KDM5C: variants seen among roughly 807,000 people sequenced by gnomAD.
The protein encoded by KDM5C is lysine demethylase 5C, also known as lysine-specific demethylase 5C.
A neutral mutation model predicts 110.6 loss-of-function variants in KDM5C; 16 were observed. The observed-to-expected ratio is 0.14, with a 90% confidence interval of 0.10 to 0.22. The LOEUF (loss-of-function observed/expected upper bound fraction) is 0.22, where lower values mean the gene tolerates loss of function less well. Ranked by LOEUF, KDM5C falls within the 10% of genes least tolerant of loss-of-function variation. KDM5C has a pLI of 1.00. For synonymous variants in KDM5C, 511 were observed against 520.4 expected (o/e 0.98, Z 0.24); for missense variants, 681 against 1,300.9 (o/e 0.52, Z 7.33).
At position 53,201,818 on chromosome X, in the gene KDM5C, G is replaced by A. The variant is rs377590673; in HGVS notation, c.1866+36C>T. 285 of 1,209,925 alleles carry A rather than the reference G, an allele frequency of 2.4e-4. No individual in the cohort carries two copies. In the Middle Eastern group the frequency reaches 9.2e-3, roughly 39 times the overall value. ...GCCCCAGCTTCTCTACAACCCTCCT[G>A]CTTCTCCCCACCATCCCACCACATT... On this transcript the variant is annotated intron_variant, in intron 13 of 25. Coordinates refer to ENST00000375401, the MANE Select transcript of KDM5C (RefSeq NM_004187.5).
rs782064942 is a variant in KDM5C, at chrX:53,195,019, C to T, written c.3350G>A (p.Arg1117Gln). Residue 1117 changes from arginine to glutamine, a missense_variant, in exon 22 of 26, where the codon CGG (arginine) becomes CAG (glutamine). Around this residue, in one of 14 missense-constraint regions of KDM5C, gnomAD observed 66 missense variants for 162.9 expected, o/e 0.41. Coordinates refer to ENST00000375401, the MANE Select transcript of KDM5C (RefSeq NM_004187.5). The stretch of plus-strand genomic sequence containing the variant: ...CAACCCCAGCTCCTTCTCCATCCAC[C>T]GGCTGCGCTTGGTGCTGTCTGAGCC... ...DAGSDSTKRS[R>Q]WMEKELGLYK... The T allele has an allele frequency of 8.3e-7, 1 of 1,209,660 alleles. No homozygotes were observed. The highest frequency in any genetic ancestry group is 1.1e-6 in the Non-Finnish European group (1 of 894,385).
chrX:53,182,607 T>A (rs1196566436), intron 25 of KDM5C, among the ~76,000 whole-genome samples: 1 of 112,299 alleles, frequency 8.9e-6, no homozygotes, highest in Non-Finnish European at 1.9e-5. Context: ...CCTCAGGTGA[T>A]CCGCCCACCT....
intron 10 of KDM5C, 92 bp downstream of exon 10, chrX:53,211,405 T>C: frequency 3.2e-6 from 3 of 927,993 alleles, no homozygotes; most frequent in Middle Eastern, 5.3e-4. Context: ...GGCATAATTA[T>C]CCTCATCTTA....
rs782589762 is a variant in KDM5C at position 53,193,757 on chromosome X, C to T, written c.4117+16G>A. 4.2e-6 allele frequency: 5 copies of T among 1,201,836 alleles called. No homozygotes were observed. The highest frequency in any genetic ancestry group is 5.6e-6 in the Non-Finnish European group (5 of 886,303). On this transcript the variant is annotated intron_variant, in intron 24 of 25. Transcript: ENST00000375401. ...ATGTGCAGTCAACAGCCTACCCACA[C>T]CACACCTAGACCTACCTCTCTTACC... is the stretch of plus-strand genomic sequence containing the variant.
Position 53,224,861 on chromosome X carries a change from G to A in KDM5C, c.29C>T (p.Pro10Leu), listed in dbSNP as rs1199954931. The A allele has an allele frequency of 1.7e-5, 20 of 1,209,467 alleles. No homozygotes were observed. Among genetic ancestry groups the A allele is most frequent in the Non-Finnish European group, 2.2e-5 (20 of 893,871 alleles). ...CTCGAACACCGGGCACTCCGGTGGC[G>A]GTAGGAAATCGTCGGACCCCGGCTC... Reference protein sequence around the residue: MEPGSDDFLPPPECPVFEPS... With the variant: MEPGSDDFLLPPECPVFEPS... Residue 10 changes from proline to leucine, a missense_variant, in exon 1 of 26, where the codon CCG becomes CTG. Around this residue, in one of 14 missense-constraint regions of KDM5C, gnomAD observed 15 missense variants for 37.0 expected, o/e 0.41. Coordinates refer to ENST00000375401, the MANE Select transcript of KDM5C (RefSeq NM_004187.5).
downstream of KDM5C, among the ~76,000 whole-genome samples, chrX:53,189,132 TAGAG>T (rs1556829185): frequency 8.9e-6 from 1 of 112,504 alleles, no homozygotes; most frequent in Non-Finnish European, 1.9e-5. Context: ...ATATAACCAA[TAGAG>T]ATAGGCGTGG....
downstream of KDM5C, among the ~76,000 whole-genome samples, chrX:53,186,480 C>T (rs1258029862): frequency 1.8e-5 from 2 of 111,965 alleles, no homozygotes; most frequent in Admixed American, 1.9e-4. Context: ...TGTGCAGTAG[C>T]ACTCCACCAC....
downstream of KDM5C, among the ~76,000 whole-genome samples, chrX:53,191,045 A>C (rs1556830127): frequency 1.8e-5 from 2 of 111,694 alleles, no homozygotes; most frequent in African/African-American, 6.5e-5. Context: ...CTCCAAACAC[A>C]GAACACTCAA....
At chrX:53,215,699 T>G in intron 7 of KDM5C, 96 bp downstream of exon 7, 2 of 968,768 alleles carry the variant, frequency 2.1e-6, no homozygotes, top group Non-Finnish European at 3.0e-6. Context: ...GAGGCCCGCT[T>G]TTGTGGTTAA....
At chrX:53,223,640 G>C (rs1334911464) in intron 1 of KDM5C, among the ~76,000 whole-genome samples, 1 of 112,152 alleles carries the variant, frequency 8.9e-6, no homozygotes, top group African/African-American at 3.2e-5. Flanking sequence ...CACCATATCA[G>C]CAAGGCAGCA....
intron 25 of KDM5C, among the ~76,000 whole-genome samples, chrX:53,179,688 T>C (rs1933982214): frequency 9.0e-6 from 1 of 111,690 alleles, no homozygotes; most frequent in African/African-American, 3.3e-5. Context: ...TAAAAGATGC[T>C]CCACATCATA....
chrX:53,198,592 C>T lies in KDM5C; in HGVS notation c.2414G>A (p.Arg805Lys), dbSNP rs2073042439. The part of the protein sequence containing the change: ...RALESEARER[R>K]FPNSELLQQL... The stretch of plus-strand genomic sequence containing the variant: ...CTGCAGCAGCTCACTATTAGGAAAC[C>T]TCCGCTCACGGGCTTCAGACTCTAG... The change falls in exon 17 of 26, where the codon AGG (arginine) becomes AAG (lysine). Residue 805 changes from arginine to lysine, a missense_variant. Transcript: ENST00000375401. The T allele has an allele frequency of 8.3e-7, 1 of 1,210,443 alleles. No individual in the cohort carries two copies. The highest frequency in any genetic ancestry group is 1.7e-5 in the African/African-American group (1 of 57,282).
At position 53,192,960 on chromosome X, in the gene KDM5C, G is replaced by C; in HGVS notation, c.*7C>G. On this transcript the variant is annotated 3_prime_UTR_variant, in exon 26 of 26. Coordinates refer to ENST00000375401, the MANE Select transcript of KDM5C (RefSeq NM_004187.5). ...TCTGTCAGGGTCTGTGCTAGGCTCA[G>C]CCACTGTCACAACTGTTGCTGAGGC... is the stretch of plus-strand genomic sequence containing the variant. The C allele has an allele frequency of 2.6e-6, 3 of 1,156,521 alleles. No individual in the cohort carries two copies. The highest frequency in any genetic ancestry group is 3.5e-6 in the Non-Finnish European group (3 of 869,513).
In KDM5C at chrX:53,199,074, G is replaced by A. The variant is rs1306501988; in HGVS notation, c.2146C>T (p.Leu716=). 7 of 1,210,646 alleles carry A rather than the reference G, an allele frequency of 5.8e-6. No individual in the cohort carries two copies. In the Admixed American group the frequency reaches 1.5e-4, roughly 26 times the overall value. The change falls in exon 15 of 26, where the codon CTG becomes TTG. Residue 716 remains leucine (L), a synonymous_variant. Coordinates refer to ENST00000375401, the MANE Select transcript of KDM5C (RefSeq NM_004187.5). ...QCIKCKTTCF[L]SALACYDCPD... The stretch of plus-strand genomic sequence containing the variant: ...CAGTCGTAGCAGGCCAGGGCTGACA[G>A]GAAACACGTAGTCTTGCACTTGATA...
At chrX:53,183,756 T>C (rs1329145379) in intron 25 of KDM5C, among the ~76,000 whole-genome samples, 1 of 109,866 alleles carries the variant, frequency 9.1e-6, no homozygotes, top group Non-Finnish European at 1.9e-5. Flanking sequence ...TTATTTTTAG[T>C]AGATACGGGG....
intron 24 of KDM5C, 53 bp from the exon 25 acceptor site, chrX:53,193,689 C>T: frequency 1.7e-6 from 2 of 1,187,082 alleles, no homozygotes; most frequent in Non-Finnish European, 2.3e-6. Context: ...GTCTTATCCC[C>T]ACCACTACAA....
At position 53,198,748 on chromosome X, in the gene KDM5C, C is replaced by A. The variant is rs781804743; in HGVS notation, c.2368+16G>T. The A allele has an allele frequency of 4.1e-6, 5 of 1,209,378 alleles. No individual in the cohort carries two copies. The highest frequency in any genetic ancestry group is 3.5e-5 in the African/African-American group (2 of 57,253). On this transcript the variant is annotated intron_variant, in intron 16 of 25. Transcript: ENST00000375401. ...GAACTTGCCTGTGGAGTCCCTCCAT[C>A]CCCCCCATCACTCACTGCGCTTCCG...
Position 53,192,869 on chromosome X carries a change from A to ACACCCCCCC in KDM5C, c.*97_*98insGGGGGGGTG. 5.6e-6 allele frequency: 1 copy of ACACCCCCCC among 179,889 alleles called. No homozygotes were observed. The highest frequency in any genetic ancestry group is 8.9e-6 in the Non-Finnish European group (1 of 112,556). 14.8% of individuals were successfully genotyped at this position (179,889 alleles called of 1,213,427 possible). A position where few individuals can be genotyped will look rare whatever the true frequency, so the allele number is the denominator to read the frequency against. On this transcript the variant is annotated 3_prime_UTR_variant, in exon 26 of 26. Transcript: ENST00000375401. ...GGGTAGCAGGGATGGCCACCCCCCT[A>ACACCCCCCC]CCCGCCCACCCCCCAAGAAGCAGGC... is the stretch of plus-strand genomic sequence containing the variant.
At chrX:53,210,004 A>C (rs1330162646) in intron 12 of KDM5C, among the ~76,000 whole-genome samples, 1 of 112,301 alleles carries the variant, frequency 8.9e-6, no homozygotes, top group Non-Finnish European at 1.9e-5. Flanking sequence ...GTACTTGACC[A>C]TCCAAAATAA....
Sources: allele counts gnomAD v4.1 joint callset (sites outside exome capture counted in the v4.1 genomes callset), GRCh38; gene constraint gnomAD v4.1.1; regional missense constraint gnomAD v4.1.1; transcripts MANE v1.5; gene names NCBI Gene and HGNC (gene_info 2026-07-23, HGNC 2026-07-21).